Variants in PIAS4 observed in about 807,000 individuals in gnomAD.
PIAS4 encodes the protein protein inhibitor of activated STAT 4.
In PIAS4, 7 loss-of-function variants were observed where a neutral mutation model predicts 58.0. The observed-to-expected ratio is 0.12, with a 90% CI of 0.07 to 0.23. The LOEUF is 0.23. PIAS4 is among the 10% of genes least tolerant of loss of function. The pLI, the probability that PIAS4 is intolerant of heterozygous loss-of-function variation, is 1.00. For synonymous variants in PIAS4, 364 were observed against 312.4 expected (o/e 1.17, Z -1.74); for missense variants, 550 against 709.5 (o/e 0.78, Z 2.55).
Position 4,028,939 on chromosome 19 carries a change from G to A in PIAS4, c.810G>A (p.Ser270=), listed in dbSNP as rs143502562. The A allele has an allele frequency of 2.6e-5, 42 of 1,610,182 alleles. No individual in the cohort carries two copies. Among genetic ancestry groups the A allele is most frequent in the East Asian group, 6.7e-5 (3 of 44,780 alleles). ...VTWGNYGKSY[S]VALYLVRQLT... ...CTTCCTTCTGTCCCCAGAGCTACTC[G>A]GTGGCCCTGTACCTGGTGCGGCAGC... The change falls in exon 7 of 11, where the codon TCG becomes TCA. Residue 270 remains serine, a synonymous_variant. Coordinates refer to ENST00000262971, the MANE Select transcript of PIAS4 (RefSeq NM_015897.4).
At chr19:4,036,956 T>TGCACACGTGCACACACAC (rs2040303723) in intron 9 of PIAS4, among the ~76,000 whole-genome samples, 2 of 151,830 alleles carry the variant, frequency 1.3e-5, no homozygotes, top group African/African-American at 2.4e-5. Flanking sequence ...ACTCCACACA[T>TGCACACGTGCACACACAC]GCACACGTGC....
Position 4,027,770 on chromosome 19 carries a change from A to C in PIAS4, c.540-376A>C, listed in dbSNP as rs973903640. On this transcript the variant is annotated intron_variant, in intron 3 of 10. Transcript: ENST00000262971. ...TCACCATGTTGCGCAGGCTCGTCTC[A>C]AATTCCTGGGCTCAAGAGCTCCGCC... Among the ~76,000 whole-genome samples, 6 of 152,086 alleles carry C rather than the reference A, an allele frequency of 3.9e-5. No homozygotes were observed. The East Asian group carries it at 1.2e-3, about 29-fold the overall frequency.
chr19:4,012,893 CTG>C, intron 1 of PIAS4, 28 bp from the exon 2 acceptor site: 1 of 1,587,362 alleles, frequency 6.3e-7, no homozygotes. Flanking sequence ...GCTGTGTCCT[CTG>C]AGTGTGTGTG....
intron 7 of PIAS4, among the ~76,000 whole-genome samples, chr19:4,032,247 T>G (rs957346859): frequency 6.6e-6 from 1 of 152,012 alleles, no homozygotes. Context: ...GGACCCCAAG[T>G]CACTTGGGCA....
Position 4,007,739 on chromosome 19 carries a change from G to C in PIAS4, c.-22G>C, listed in dbSNP as rs994117887. On this transcript the variant is annotated 5_prime_UTR_variant, in exon 1 of 11. Coordinates refer to ENST00000262971, the MANE Select transcript of PIAS4 (RefSeq NM_015897.4). ...GACGCGACGGCTGGGGGCTCCCGGC[G>C]CGGGGGACGCTGGTGACCAAGATGG... 4 of 1,214,446 alleles carry C rather than the reference G, an allele frequency of 3.3e-6. No homozygotes were observed. In the African/African-American group the frequency reaches 6.3e-5, roughly 19 times the overall value. 75.2% of individuals were successfully genotyped at this position (1,214,446 alleles called of 1,614,324 possible).
intron 9 of PIAS4, among the ~76,000 whole-genome samples, chr19:4,036,844 G>A (rs549869358): frequency 1.3e-4 from 18 of 140,794 alleles, no homozygotes; most frequent in South Asian, 2.1e-4. Context: ...ACACACACAC[G>A]CCCACACCCG....
At chr19:4,023,056 A>T (rs537025974) in intron 2 of PIAS4, among the ~76,000 whole-genome samples, 1 of 150,930 alleles carries the variant, frequency 6.6e-6, no homozygotes, top group Non-Finnish European at 1.5e-5. Flanking sequence ...CTGTAATCCC[A>T]GCTGTTTTGG....
At chr19:4,028,246 GC>G in intron 4 of PIAS4, 59 bp downstream of exon 4, 2 of 926,602 alleles carry the variant, frequency 2.2e-6, no homozygotes, top group South Asian at 1.9e-5. Flanking sequence ...GCCCCTCCCC[GC>G]CCCCCAGTCC....
At chr19:4,023,884 C>G (rs1335710582) in intron 2 of PIAS4, 152 bp from the exon 3 acceptor site, 1 of 635,990 alleles carries the variant, frequency 1.6e-6, no homozygotes, top group East Asian at 2.8e-5. Flanking sequence ...ATCCTCCTTC[C>G]TGGGCGGCCC....
chr19:4,008,073 TG>T (rs966467053), intron 1 of PIAS4, among the ~76,000 whole-genome samples: 1 of 151,662 alleles, frequency 6.6e-6, no homozygotes, highest in African/African-American at 2.4e-5. Flanking sequence ...TCCCGGTCCC[TG>T]AGCGCCAGGC....
chr19:4,024,848 C>T (rs1266097871), intron 3 of PIAS4, among the ~76,000 whole-genome samples: 2 of 152,136 alleles, frequency 1.3e-5, no homozygotes, highest in African/African-American at 2.4e-5. Context: ...TTCCTGCAAC[C>T]TCCACCTGCT....
chr19:4,025,562 G>A (rs1223409402), intron 3 of PIAS4, among the ~76,000 whole-genome samples: 2 of 152,202 alleles, frequency 1.3e-5, no homozygotes, highest in African/African-American at 4.8e-5. Context: ...TGTGGGGCCA[G>A]GTTCCTGGGG....
In PIAS4 at chr19:4,013,393, A is replaced by G; in HGVS notation, c.454+44A>G. The G allele has an allele frequency of 6.5e-7, 1 of 1,539,148 alleles. No homozygotes were observed. The highest frequency in any genetic ancestry group is 8.9e-7 in the Non-Finnish European group (1 of 1,126,298). On this transcript the variant is annotated intron_variant, in intron 2 of 10. Transcript: ENST00000262971. This position sits in a 1 kb window ranked among gnomAD's most constrained non-coding sequence, Gnocchi z 5.1. ...GAGGCTGCGACTGGAGGCTTCACCT[A>G]GGCCCCGTCGCCCAGCCCAGCCCAG...
chr19:4,020,572 A>T (rs565113291), intron 2 of PIAS4, among the ~76,000 whole-genome samples: 35 of 152,330 alleles, frequency 2.3e-4, no homozygotes, highest in Middle Eastern at 3.4e-3. Context: ...CTCCATTTTC[A>T]TTACACAAGT....
chr19:4,026,740 T>C (rs758658265), intron 3 of PIAS4, among the ~76,000 whole-genome samples: 5 of 152,218 alleles, frequency 3.3e-5, no homozygotes, highest in Non-Finnish European at 7.3e-5. Context: ...TGGAGTGCAG[T>C]GTCGCGATCT....
At position 4,038,001 on chromosome 19, in the gene PIAS4, T is replaced by A; in HGVS notation, c.*126T>A. On this transcript the variant is annotated 3_prime_UTR_variant, in exon 11 of 11. Transcript: ENST00000262971. This position sits in a 1 kb window ranked among gnomAD's most constrained non-coding sequence, Gnocchi z 4.1. The stretch of plus-strand genomic sequence containing the variant: ...GTCGTTCGTTTTGTTTTTCCACCCT[T>A]TTGCCTGGCTCCTGGCACCTGTACC... 1 of 1,004,768 alleles carries A rather than the reference T, an allele frequency of 1.0e-6. No individual in the cohort carries two copies. The highest frequency in any genetic ancestry group is 1.4e-6 in the Non-Finnish European group (1 of 696,952). The allele number at this position is 1,004,768 out of a possible 1,614,324, so 62.2% of individuals were successfully genotyped here.
At chr19:4,032,209 T>G (rs1369103547) in intron 7 of PIAS4, among the ~76,000 whole-genome samples, 21 of 141,220 alleles carry the variant, frequency 1.5e-4, no homozygotes, top group South Asian at 4.5e-4. Context: ...CTGGGGGGAG[T>G]GGGGGGGCAG....
intron 2 of PIAS4, among the ~76,000 whole-genome samples, chr19:4,023,028 G>T (rs993125655): frequency 6.6e-6 from 1 of 150,930 alleles, no homozygotes; most frequent in Non-Finnish European, 1.5e-5. Context: ...AAAATTAGCC[G>T]GGCGTGGTGG....
chr19:4,019,678 C>G (rs1275953344), intron 2 of PIAS4, among the ~76,000 whole-genome samples: 1 of 152,224 alleles, frequency 6.6e-6, no homozygotes, highest in Non-Finnish European at 1.5e-5. Flanking sequence ...GTGCCCCCCT[C>G]CCAATTAGGC....
Sources: gnomAD v4.1 joint callset for allele counts (sites outside exome capture counted in the v4.1 genomes callset) on GRCh38, gnomAD v4.1.1 for gene constraint, Gnocchi (gnomAD v3.1) non-coding constraint, MANE v1.5 for transcripts, NCBI Gene and HGNC (gene_info 2026-07-23, HGNC 2026-07-21) for gene names.